Variants in AGBL1 observed in about 807,000 individuals in gnomAD.
AGBL1 encodes the protein cytosolic carboxypeptidase 4.
A neutral mutation model predicts 118.9 loss-of-function variants in AGBL1; 130 were observed. That is an observed-to-expected ratio of 1.09 (90% CI 0.95 to 1.26). The LOEUF (loss-of-function observed/expected upper bound fraction) is 1.26. Among genes scored for constraint, AGBL1 ranks in the 50% most tolerant of loss-of-function variants. AGBL1 has a pLI of 0.00. For synonymous variants in AGBL1, 555 were observed against 478.9 expected, an observed-to-expected ratio of 1.16 and a Z score of -2.08; for missense variants, 1,584 against 1,298.1, an observed-to-expected ratio of 1.22 and a Z score of -3.38.
chr15:86,804,675 T>C (rs1306977684), intron 22 of AGBL1, among the ~76,000 whole-genome samples: 1 of 152,176 alleles, frequency 6.6e-6, no homozygotes, highest in African/African-American at 2.4e-5. Flanking sequence ...TACTGTTTTT[T>C]CTTGCACAGA....
chr15:86,129,331 A>T (rs1025676506), intron 1 of AGBL1, among the ~76,000 whole-genome samples: 11 of 152,274 alleles, frequency 7.2e-5, no homozygotes, highest in Non-Finnish European at 1.5e-4. Flanking sequence ...GATTCAGAAA[A>T]ATCTAGTCCT....
At chr15:86,546,625 A>G (rs1482720967) in intron 20 of AGBL1, among the ~76,000 whole-genome samples, 1 of 152,190 alleles carries the variant, frequency 6.6e-6, no homozygotes, top group Non-Finnish European at 1.5e-5. Flanking sequence ...AAGCCATTAA[A>G]CCATCTACAT....
At chr15:86,212,490 A>T (rs1192417710) in intron 5 of AGBL1, among the ~76,000 whole-genome samples, 1 of 152,194 alleles carries the variant, frequency 6.6e-6, no homozygotes. Context: ...AAAGAATGAG[A>T]GAAATTCCCT....
At chr15:86,216,821 T>C (rs1187194596) in intron 5 of AGBL1, among the ~76,000 whole-genome samples, 1 of 152,168 alleles carries the variant, frequency 6.6e-6, no homozygotes, top group Non-Finnish European at 1.5e-5. Context: ...AAAGCCCTTA[T>C]AGTACCTACC....
At chr15:86,662,259 A>G (rs2085558040) in intron 21 of AGBL1, among the ~76,000 whole-genome samples, 2 of 152,226 alleles carry the variant, frequency 1.3e-5, no homozygotes, top group Admixed American at 1.3e-4. Flanking sequence ...CTGCATAGGG[A>G]AAAAGTGTCT....
chr15:87,008,709 T>C (rs769925074), intron 24 of AGBL1, among the ~76,000 whole-genome samples: 1 of 152,138 alleles, frequency 6.6e-6, no homozygotes, highest in Non-Finnish European at 1.5e-5. Flanking sequence ...CAAAATGATA[T>C]GGACAATGAA....
At chr15:86,627,982 C>T (rs555779486) in intron 21 of AGBL1, among the ~76,000 whole-genome samples, 5 of 152,288 alleles carry the variant, frequency 3.3e-5, no homozygotes, top group South Asian at 2.1e-4. Flanking sequence ...AACACAGACA[C>T]GGGGCTGTTT....
intron 9 of AGBL1, among the ~76,000 whole-genome samples, chr15:86,258,928 A>G (rs935536214): frequency 5.9e-5 from 9 of 152,162 alleles, no homozygotes; most frequent in Admixed American, 3.9e-4. Flanking sequence ...GCTGGTCTCG[A>G]ACTCTTGACC....
chr15:86,769,733 C>T (rs894361900), intron 22 of AGBL1, among the ~76,000 whole-genome samples: 5 of 151,938 alleles, frequency 3.3e-5, no homozygotes, highest in Admixed American at 3.3e-4. Flanking sequence ...TAATACAGCT[C>T]AAGTTAAATA....
At chr15:86,817,725 A>G (rs1238066914) in intron 22 of AGBL1, among the ~76,000 whole-genome samples, 1 of 152,012 alleles carries the variant, frequency 6.6e-6, no homozygotes, top group Non-Finnish European at 1.5e-5. Context: ...TGGTCCTCCA[A>G]AAGATACATT....
chr15:86,824,986 G>A (rs1239449675), intron 22 of AGBL1, among the ~76,000 whole-genome samples: 3 of 152,126 alleles, frequency 2.0e-5, no homozygotes, highest in Non-Finnish European at 4.4e-5. Flanking sequence ...GAAGCCAGGA[G>A]GTGGATGTTG....
Position 86,093,194 on chromosome 15 carries a change from G to C in AGBL1, c.51+13171G>C, listed in dbSNP as rs1896145496. ...GTTAAAGTGAACCACACACAAGCTA[G>C]TCTTCACATAGAGCCATTCTTCAAC... On this transcript the variant is annotated intron_variant, in intron 1 of 22. Transcript: ENST00000614907. 3.3e-5 allele frequency among the ~76,000 whole-genome samples: 5 copies of C among 152,138 alleles called. No individual in the cohort carries two copies. The South Asian group carries it at 1.0e-3, about 31-fold the overall frequency.
chr15:87,002,176 C>T (rs2081447028), intron 24 of AGBL1, among the ~76,000 whole-genome samples: 1 of 152,066 alleles, frequency 6.6e-6, no homozygotes, highest in African/African-American at 2.4e-5. Context: ...GGAAGGGATC[C>T]AGTTTCAGCT....
At chr15:86,209,623 C>G (rs1366488981) in intron 5 of AGBL1, among the ~76,000 whole-genome samples, 1 of 152,086 alleles carries the variant, frequency 6.6e-6, no homozygotes. Flanking sequence ...TTATCAGACA[C>G]TAAGATTGCA....
intron 22 of AGBL1, among the ~76,000 whole-genome samples, chr15:86,712,731 A>G (rs1383270206): frequency 6.6e-6 from 1 of 152,272 alleles, no homozygotes; most frequent in South Asian, 2.1e-4. Context: ...TTGGAACACA[A>G]CAAGGCATCT....
In AGBL1 at chr15:86,298,909, A is replaced by T. The variant is rs533115092; in HGVS notation, c.2374+3501A>T. On this transcript the variant is annotated intron_variant, in intron 17 of 22. Coordinates refer to ENST00000614907, the MANE Select transcript of AGBL1 (RefSeq NM_001386094.1). Reference sequence around the variant, plus strand: ...AAAGTCCTGGACCTGAAGATTACTGAGGACAACTTAATGATTACTTTTAGT... The same window carrying T: ...AAAGTCCTGGACCTGAAGATTACTGTGGACAACTTAATGATTACTTTTAGT... Among the ~76,000 whole-genome samples, 3 of 152,242 alleles carry T rather than the reference A, an allele frequency of 2.0e-5. No individual in the cohort carries two copies. The East Asian group carries it at 5.8e-4, about 29-fold the overall frequency.
At chr15:86,808,521 T>C (rs1403709472) in intron 22 of AGBL1, among the ~76,000 whole-genome samples, 1 of 152,074 alleles carries the variant, frequency 6.6e-6, no homozygotes, top group Non-Finnish European at 1.5e-5. Flanking sequence ...AAAAACTGAT[T>C]TTTACTCAGT....
intron 18 of AGBL1, among the ~76,000 whole-genome samples, chr15:86,521,541 T>C (rs1029972786): frequency 1.3e-5 from 2 of 152,160 alleles, no homozygotes; most frequent in Admixed American, 1.3e-4. Flanking sequence ...CAGGATGTTA[T>C]TGCAGCAAAT....
chr15:86,321,092 G>A lies in AGBL1; in HGVS notation c.2374+25684G>A, dbSNP rs553975746. ...TGTCTTTGTCTCCTTTTGGTATCAA[G>A]GTTGTGCTTATCCCTTAAAATTAAG... On this transcript the variant is annotated intron_variant, in intron 17 of 22. Transcript: ENST00000614907. Among the ~76,000 whole-genome samples the A allele has an allele frequency of 3.3e-5, 5 of 152,120 alleles. No homozygotes were observed. The South Asian group carries it at 1.0e-3, about 32-fold the overall frequency.
Sources: allele counts gnomAD v4.1 joint callset (sites outside exome capture counted in the v4.1 genomes callset), GRCh38; gene constraint gnomAD v4.1.1; transcripts MANE v1.5; gene names NCBI Gene and HGNC (gene_info 2026-07-23, HGNC 2026-07-21).